The following RNASE10 variants were observed in gnomAD, a reference collection of about 807,000 sequenced individuals.
The protein encoded by RNASE10 is ribonuclease A family member 10 (inactive).
In RNASE10, 2 loss-of-function variants were observed where a neutral mutation model predicts 1.1. The ratio of observed to expected loss-of-function variants is 1.82; its 90% CI spans 0.74 to 5.73. The LOEUF (loss-of-function observed/expected upper bound fraction) is 5.73. Ranked by LOEUF, RNASE10 falls within the 30% of genes most tolerant of loss-of-function variation. The pLI is 0.05. For synonymous variants in RNASE10, 97 were observed against 96.2 expected (o/e 1.01, Z -0.05); for missense variants, 276 against 263.4 (o/e 1.05, Z -0.33).
At chr14:20,508,127 G>A (rs193131044) in intron 1 of RNASE10, among the ~76,000 whole-genome samples, 5 of 152,074 alleles carry the variant, frequency 3.3e-5, no homozygotes, top group East Asian at 3.9e-4. Flanking sequence ...TCTATATTCC[G>A]AAGCATTTGA....
At chr14:20,509,949 G>A (rs1388291139) in intron 1 of RNASE10, among the ~76,000 whole-genome samples, 4 of 61,714 alleles carry the variant, frequency 6.5e-5, no homozygotes, top group African/African-American at 1.8e-4. Context: ...AGCGAGACTC[G>A]TCTCAAAAAA....
intron 1 of RNASE10, among the ~76,000 whole-genome samples, chr14:20,509,411 C>A (rs1882838426): frequency 6.6e-6 from 1 of 152,214 alleles, no homozygotes; most frequent in Admixed American, 6.5e-5. Flanking sequence ...TCTTTGGTTT[C>A]ATTCTTATTC....
rs1395510403 is a variant in RNASE10 at position 20,507,080 on chromosome 14, C to T, written c.79+1061C>T. 2.0e-4 allele frequency among the ~76,000 whole-genome samples: 30 copies of T among 150,346 alleles called. No individual in the cohort carries two copies. In the East Asian group the frequency reaches 5.6e-3, roughly 28 times the overall value. ...CGCCCCTACTGGGAAGTGAGGAGCC[C>T]CTCTGCCCGGCCAGGACCCCGTCTG... On this transcript the variant is annotated intron_variant, in intron 1 of 1. Transcript: ENST00000430083.
chr14:20,513,181 A>G (rs545203083), downstream of RNASE10, among the ~76,000 whole-genome samples: 29 of 152,096 alleles, frequency 1.9e-4, no homozygotes, highest in African/African-American at 6.8e-4. Context: ...ACTTTGGGCA[A>G]ATCTCAGTGG....
At chr14:20,509,440 A>T (rs781041439) in intron 1 of RNASE10, among the ~76,000 whole-genome samples, 7 of 152,252 alleles carry the variant, frequency 4.6e-5, no homozygotes, top group Admixed American at 4.6e-4. Flanking sequence ...CCCTGAGAGT[A>T]TAAACCTAAT....
chr14:20,506,850 C>G (rs1198013565), intron 1 of RNASE10, among the ~76,000 whole-genome samples: 1 of 115,684 alleles, frequency 8.6e-6, no homozygotes, highest in South Asian at 3.0e-4. Flanking sequence ...CCGCCCCGTC[C>G]GGGAGGTGAG....
exon 2 of RNASE10, chr14:20,510,844 C>A: frequency 6.2e-7 from 1 of 1,614,142 alleles, no homozygotes. Context: ...TATGATGGCA[C>A]ACAAGATGAA....
chr14:20,508,505 C>A (rs1268664456), intron 1 of RNASE10, among the ~76,000 whole-genome samples: 1 of 152,170 alleles, frequency 6.6e-6, no homozygotes. Flanking sequence ...ATATCAGATG[C>A]ACCGTCACAG....
intron 1 of RNASE10, among the ~76,000 whole-genome samples, chr14:20,508,710 A>G (rs1039880683): frequency 2.0e-5 from 3 of 152,202 alleles, no homozygotes; most frequent in Non-Finnish European, 4.4e-5. Flanking sequence ...ATCTACAGTA[A>G]GAAAGAATCT....
intron 1 of RNASE10, among the ~76,000 whole-genome samples, chr14:20,507,303 T>G (rs1399256325): frequency 1.5e-5 from 2 of 134,844 alleles, no homozygotes; most frequent in African/African-American, 5.9e-5. Context: ...CCTGTTGATC[T>G]GTGACCTTAT....
intron 1 of RNASE10, among the ~76,000 whole-genome samples, chr14:20,509,723 A>G (rs1882846451): frequency 6.6e-6 from 1 of 152,208 alleles, no homozygotes; most frequent in Non-Finnish European, 1.5e-5. Flanking sequence ...CTAGTCCTAT[A>G]TTGACAATAA....
intron 1 of RNASE10, among the ~76,000 whole-genome samples, chr14:20,507,585 G>C (rs867346656): frequency 0.016 from 2,145 of 134,038 alleles, 65 homozygotes; most frequent in African/African-American, 0.061. Context: ...ATCCCCCTCT[G>C]CGAGAAACAC....
In RNASE10 at chr14:20,510,479, T is replaced by C. The variant is rs776425443; in HGVS notation, c.92T>C (p.Leu31Pro). 9.3e-6 allele frequency: 15 copies of C among 1,605,906 alleles called. No individual in the cohort carries two copies. In the East Asian group the frequency reaches 3.1e-4, roughly 33 times the overall value. Residue 31 changes from leucine (L) to proline (P), a missense_variant, in exon 2 of 2, where the codon CTG becomes CCG. Coordinates refer to ENST00000430083, the Ensembl canonical transcript of RNASE10. Reference sequence around the variant, plus strand: ...GCTTCCTCTCCAGGCAAAATGAAGCTGAATCTGGTGCAGATCTTTTTCATG... The same window carrying C: ...GCTTCCTCTCCAGGCAAAATGAAGCCGAATCTGGTGCAGATCTTTTTCATG...
At position 20,510,322 on chromosome 14, in the gene RNASE10, C is replaced by A. The variant is rs1201351432; in HGVS notation, c.80-145C>A. ...GAGAAATGGGAATGGAAAGAGAAAT[C>A]GCTGCCTTGAAGAGGGTAGAGTAAT... On this transcript the variant is annotated intron_variant, in intron 1 of 1. Transcript: ENST00000430083. 3 of 1,201,788 alleles carry A rather than the reference C, an allele frequency of 2.5e-6. No homozygotes were observed. The African/African-American group carries it at 4.6e-5, about 18-fold the overall frequency. The allele number at this position is 1,201,788 out of a possible 1,614,324, so 74.4% of individuals were successfully genotyped here.
chr14:20,511,261 T>C, downstream of RNASE10: 1 of 634,340 alleles, frequency 1.6e-6, no homozygotes, highest in Non-Finnish European at 2.4e-6. Flanking sequence ...CCAACTTGCA[T>C]TTTGTTCCTA....
At chr14:20,513,755 A>G (rs1337743912), downstream of RNASE10, among the ~76,000 whole-genome samples, 3 of 152,240 alleles carry the variant, frequency 2.0e-5, no homozygotes, top group African/African-American at 7.2e-5. Context: ...TTAACATACA[A>G]TAGTGCTTTT....
downstream of RNASE10, among the ~76,000 whole-genome samples, chr14:20,512,756 G>T (rs1056155398): frequency 7.9e-5 from 12 of 152,152 alleles, no homozygotes; most frequent in Admixed American, 7.9e-4. Flanking sequence ...CCATCTGTGG[G>T]CTGGCCTGAT....
chr14:20,510,757 A>G, exon 2 of RNASE10: 2 of 1,614,206 alleles, frequency 1.2e-6, no homozygotes, highest in Non-Finnish European at 1.7e-6. Context: ...GGGTAACAAG[A>G]TGCTCAGAGC....
intron 1 of RNASE10, among the ~76,000 whole-genome samples, chr14:20,509,225 T>C (rs1882833761): frequency 6.6e-6 from 1 of 152,212 alleles, no homozygotes; most frequent in African/African-American, 2.4e-5. Flanking sequence ...ATTTTTGTAT[T>C]TTTAGTAGAG....
Sources: gnomAD v4.1 joint callset for allele counts (sites outside exome capture counted in the v4.1 genomes callset) on GRCh38, gnomAD v4.1.1 for gene constraint, MANE v1.5 for transcripts, NCBI Gene and HGNC (gene_info 2026-07-23, HGNC 2026-07-21) for gene names.